ELOVL5: variants seen among roughly 807,000 people sequenced by gnomAD.
ELOVL5 encodes the protein ELOVL fatty acid elongase 5.
In ELOVL5, 8 loss-of-function variants were observed where a neutral mutation model predicts 38.6. The ratio of observed to expected loss-of-function variants is 0.21; its 90% confidence interval spans 0.12 to 0.37. ELOVL5 has a LOEUF of 0.37. ELOVL5 is among the 10% of genes least tolerant of loss of function. ELOVL5 has a pLI of 1.00. For synonymous variants in ELOVL5, 127 were observed against 133.7 expected (o/e 0.95, Z 0.34); for missense variants, 280 against 367.8 (o/e 0.76, Z 1.95).
At chr6:53,330,992 G>A (rs1009770916) in intron 1 of ELOVL5, among the ~76,000 whole-genome samples, 2 of 152,132 alleles carry the variant, frequency 1.3e-5, no homozygotes, top group African/African-American at 4.8e-5. Flanking sequence ...AGACCTGCCG[G>A]AAGCTGTTTC....
intron 6 of ELOVL5, among the ~76,000 whole-genome samples, chr6:53,270,976 G>A (rs1765897659): frequency 2.0e-5 from 3 of 152,126 alleles, no homozygotes; most frequent in Admixed American, 2.0e-4. Context: ...AAATTTCAAG[G>A]ATACACTATA....
chr6:53,297,451 T>G (rs1274013538), intron 1 of ELOVL5, among the ~76,000 whole-genome samples: 2 of 152,116 alleles, frequency 1.3e-5, no homozygotes, highest in Non-Finnish European at 2.9e-5. Flanking sequence ...GCAGTCCCAC[T>G]CCATCCTGCC....
intron 1 of ELOVL5, among the ~76,000 whole-genome samples, chr6:53,313,262 T>C (rs1421916681): frequency 6.6e-6 from 1 of 152,242 alleles, no homozygotes; most frequent in Non-Finnish European, 1.5e-5. Flanking sequence ...ATAATTGGGA[T>C]AAAAGTTTAT....
chr6:53,330,517 C>CTTTTTTTTTTTTTT (rs757160862), intron 1 of ELOVL5, among the ~76,000 whole-genome samples: 1 of 91,394 alleles, frequency 1.1e-5, no homozygotes, highest in East Asian at 3.7e-4. Flanking sequence ...TCTTTATAAA[C>CTTTTTTTTTTTTTT]TTTTTTTTTT....
intron 1 of ELOVL5, among the ~76,000 whole-genome samples, chr6:53,348,399 C>T (rs766339190): frequency 1.3e-5 from 2 of 151,624 alleles, no homozygotes; most frequent in Non-Finnish European, 3.0e-5. Flanking sequence ...AGAGCGCTCC[C>T]CCGGCTCTCC....
chr6:53,339,103 G>C (rs1441969730), intron 1 of ELOVL5, among the ~76,000 whole-genome samples: 1 of 152,160 alleles, frequency 6.6e-6, no homozygotes, highest in Admixed American at 6.5e-5. Context: ...AGGAGAGGGA[G>C]AAGCAAAGTT....
chr6:53,285,668 G>T lies in ELOVL5; in HGVS notation c.246+6108C>A, dbSNP rs527946887. 3.9e-5 allele frequency among the ~76,000 whole-genome samples: 6 copies of T among 152,286 alleles called. 1 individual carries two copies. The highest frequency in any genetic ancestry group is 1.4e-4 in the African/African-American group (6 of 41,536). On this transcript the variant is annotated intron_variant, in intron 3 of 7. Coordinates refer to ENST00000304434, the MANE Select transcript of ELOVL5 (RefSeq NM_021814.5). ...CTGTCACCCAGGCTGGAGTGCAGTG[G>T]TGTGGTCATAGCTCACCGGAACCTT...
At chr6:53,335,891 C>G (rs1453476891) in intron 1 of ELOVL5, among the ~76,000 whole-genome samples, 1 of 152,148 alleles carries the variant, frequency 6.6e-6, no homozygotes, top group Non-Finnish European at 1.5e-5. Flanking sequence ...TTCTTACATC[C>G]TGCTGCTCGG....
At chr6:53,337,895 C>T (rs1403847938) in intron 1 of ELOVL5, among the ~76,000 whole-genome samples, 1 of 152,148 alleles carries the variant, frequency 6.6e-6, no homozygotes, top group Admixed American at 6.5e-5. Context: ...GACAGTTGAG[C>T]AAAGTTTGGT....
chr6:53,292,998 T>A (rs772376786), intron 2 of ELOVL5, among the ~76,000 whole-genome samples: 3 of 152,024 alleles, frequency 2.0e-5, no homozygotes, highest in Non-Finnish European at 4.4e-5. Flanking sequence ...GGGAAACAGG[T>A]CAGCCGCCAG....
At chr6:53,317,489 T>C (rs967822928) in intron 1 of ELOVL5, among the ~76,000 whole-genome samples, 5 of 152,196 alleles carry the variant, frequency 3.3e-5, no homozygotes, top group African/African-American at 9.7e-5. Flanking sequence ...CCATGTCCTT[T>C]GTAGGGACAT....
intron 1 of ELOVL5, among the ~76,000 whole-genome samples, chr6:53,304,674 T>A (rs9395852): frequency 0.36 from 54,249 of 151,138 alleles, 10,586 homozygotes; most frequent in African/African-American, 0.54. Context: ...AAAGCACATC[T>A]TGCACCGCCC....
At chr6:53,303,683 G>A (rs1196102592) in intron 1 of ELOVL5, among the ~76,000 whole-genome samples, 1 of 152,162 alleles carries the variant, frequency 6.6e-6, no homozygotes, top group Non-Finnish European at 1.5e-5. Context: ...GATAATTGGA[G>A]GGGAAATTTT....
At chr6:53,303,039 G>A (rs894630204) in intron 1 of ELOVL5, among the ~76,000 whole-genome samples, 7 of 152,022 alleles carry the variant, frequency 4.6e-5, no homozygotes, top group Non-Finnish European at 8.8e-5. Context: ...ACTCGTTAAC[G>A]TTAGGCAGGC....
chr6:53,278,875 T>C (rs1766245569), intron 3 of ELOVL5, among the ~76,000 whole-genome samples: 1 of 152,196 alleles, frequency 6.6e-6, no homozygotes, highest in African/African-American at 2.4e-5. Context: ...GAGTCATCAT[T>C]GCCTTCAGAA....
At chr6:53,320,126 C>A (rs1400517306) in intron 1 of ELOVL5, among the ~76,000 whole-genome samples, 2 of 151,944 alleles carry the variant, frequency 1.3e-5, no homozygotes, top group East Asian at 3.9e-4. Context: ...ACCAGCCTGG[C>A]CAACGTGGCA....
intron 1 of ELOVL5, among the ~76,000 whole-genome samples, chr6:53,298,504 C>T (rs983547442): frequency 5.3e-5 from 8 of 152,012 alleles, no homozygotes; most frequent in Admixed American, 1.3e-4. Context: ...AGCAATGTGA[C>T]CTTGGACAAG....
chr6:53,311,590 T>A (rs1767834635), intron 1 of ELOVL5, among the ~76,000 whole-genome samples: 1 of 152,142 alleles, frequency 6.6e-6, no homozygotes, highest in Admixed American at 6.5e-5. Flanking sequence ...CAAAAGTCGA[T>A]CAACTGATTA....
intron 1 of ELOVL5, among the ~76,000 whole-genome samples, chr6:53,318,697 G>A (rs538337087): frequency 6.6e-5 from 10 of 151,582 alleles, no homozygotes; most frequent in East Asian, 5.9e-4. Flanking sequence ...CTGTGACTGC[G>A]CTACTGCACT....
Sources: allele counts gnomAD v4.1 joint callset (sites outside exome capture counted in the v4.1 genomes callset), GRCh38; gene constraint gnomAD v4.1.1; transcripts MANE v1.5; gene names NCBI Gene and HGNC (gene_info 2026-07-23, HGNC 2026-07-21).